Variants in SMYD3 observed in about 807,000 individuals in gnomAD.
SMYD3 encodes the protein histone-lysine N-methyltransferase SMYD3.
In SMYD3, 36 loss-of-function variants were observed where a neutral mutation model predicts 57.7. The ratio of observed to expected loss-of-function variants is 0.62; its 90% CI spans 0.48 to 0.82. The LOEUF (loss-of-function observed/expected upper bound fraction) is 0.82, where lower values mean the gene tolerates loss of function less well. Among genes scored for constraint, SMYD3 ranks in the 40% least tolerant of loss-of-function variants. The probability of loss-of-function intolerance (pLI) is 0.00; values close to 1 mark genes in which losing one functional copy is unlikely to be tolerated. For missense variants in SMYD3, 515 were observed against 538.8 expected, an observed-to-expected ratio of 0.96 and a Z score of 0.44; for synonymous variants, 211 against 195.0, an observed-to-expected ratio of 1.08 and a Z score of -0.68.
intron 5 of SMYD3, among the ~76,000 whole-genome samples, chr1:245,987,134 CA>C (rs1234610461): frequency 2.0e-5 from 3 of 152,154 alleles, no homozygotes; most frequent in Non-Finnish European, 4.4e-5. Context: ...TTCATGCCTC[CA>C]AACACAGCTT....
At chr1:246,199,160 C>T (rs1363346792) in intron 5 of SMYD3, among the ~76,000 whole-genome samples, 2 of 151,988 alleles carry the variant, frequency 1.3e-5, no homozygotes, top group African/African-American at 2.4e-5. Context: ...CCTACTGTTC[C>T]CATCCTTATG....
At chr1:246,222,077 T>C (rs966727866) in intron 5 of SMYD3, among the ~76,000 whole-genome samples, 1 of 152,104 alleles carries the variant, frequency 6.6e-6, no homozygotes, top group Admixed American at 6.5e-5. Flanking sequence ...TTGCCAACAA[T>C]TGGAAGGGTG....
intron 5 of SMYD3, among the ~76,000 whole-genome samples, chr1:246,071,637 A>C (rs2060445827): frequency 6.6e-6 from 1 of 152,222 alleles, no homozygotes; most frequent in Non-Finnish European, 1.5e-5. Flanking sequence ...GAGAGTAAAA[A>C]TTAGCCTGAA....
At chr1:246,051,997 C>A (rs1167581178) in intron 5 of SMYD3, among the ~76,000 whole-genome samples, 1 of 152,180 alleles carries the variant, frequency 6.6e-6, no homozygotes, top group Non-Finnish European at 1.5e-5. Context: ...TCTAACTCAT[C>A]ATCTTTCTTA....
chr1:246,179,522 A>G (rs2062496821), intron 5 of SMYD3, among the ~76,000 whole-genome samples: 1 of 152,192 alleles, frequency 6.6e-6, no homozygotes, highest in Admixed American at 6.5e-5. Flanking sequence ...ACCAGAAATC[A>G]TCATCCAGGA....
intron 5 of SMYD3, among the ~76,000 whole-genome samples, chr1:246,092,293 G>A (rs977057345): frequency 3.9e-5 from 6 of 152,130 alleles, no homozygotes; most frequent in African/African-American, 9.6e-5. Flanking sequence ...ATTGCTGTTC[G>A]AAATTACCCA....
chr1:246,278,573 G>A lies in SMYD3; in HGVS notation c.531+48628C>T, dbSNP rs544261355. Among the ~76,000 whole-genome samples, 150 of 152,218 alleles carry A rather than the reference G, an allele frequency of 9.9e-4. 1 individual carries two copies. The highest frequency in any genetic ancestry group is 3.6e-3 in the African/African-American group (148 of 41,548). On this transcript the variant is annotated intron_variant, in intron 5 of 11. Transcript: ENST00000490107. ...TGTGGGTAGACTTCAGCCAAGAGCC[G>A]GCAAGAAGCCAGGGCCCTGAGTCCT...
At chr1:246,392,888 G>C (rs1285808628) in intron 1 of SMYD3, among the ~76,000 whole-genome samples, 1 of 151,080 alleles carries the variant, frequency 6.6e-6, no homozygotes, top group African/African-American at 2.4e-5. Context: ...ATAGAAACAT[G>C]TTCAACATCA....
At chr1:246,402,816 T>TA (rs1326415469) in intron 1 of SMYD3, among the ~76,000 whole-genome samples, 1 of 152,220 alleles carries the variant, frequency 6.6e-6, no homozygotes, top group East Asian at 1.9e-4. Flanking sequence ...CCATTTACTA[T>TA]AAAGAGATTT....
intron 1 of SMYD3, among the ~76,000 whole-genome samples, chr1:246,453,427 T>C (rs1468713702): frequency 6.6e-6 from 1 of 152,244 alleles, no homozygotes; most frequent in East Asian, 1.9e-4. Context: ...AAAACTACGA[T>C]GCTTCTATAT....
intron 5 of SMYD3, among the ~76,000 whole-genome samples, chr1:246,297,381 C>A (rs2064815677): frequency 6.6e-6 from 1 of 152,094 alleles, no homozygotes; most frequent in African/African-American, 2.4e-5. Flanking sequence ...TAGGATGTAA[C>A]TAGTTACGTG....
In SMYD3 at chr1:246,349,183, A is replaced by G. The variant is rs112399008; in HGVS notation, c.228+5848T>C. 3.7e-4 allele frequency among the ~76,000 whole-genome samples: 57 copies of G among 152,378 alleles called. 1 individual carries two copies. The highest frequency in any genetic ancestry group is 1.3e-3 in the African/African-American group (52 of 41,592). ...AATCAAAGAAGGAATAGGTGAAGGTAAAATAAAAACTTTCATTTTTCTTAT... is the reference window on the plus strand; with the variant it reads ...AATCAAAGAAGGAATAGGTGAAGGTGAAATAAAAACTTTCATTTTTCTTAT... On this transcript the variant is annotated intron_variant, in intron 2 of 11. Transcript: ENST00000490107.
intron 8 of SMYD3, among the ~76,000 whole-genome samples, chr1:245,892,882 AAAC>A (rs1407366003): frequency 6.6e-6 from 1 of 152,196 alleles, no homozygotes; most frequent in Non-Finnish European, 1.5e-5. Flanking sequence ...CTGATAAACT[AAAC>A]TATTTCAAAA....
chr1:246,307,514 G>A (rs1271142660), intron 5 of SMYD3, among the ~76,000 whole-genome samples: 2 of 149,664 alleles, frequency 1.3e-5, no homozygotes, highest in East Asian at 3.9e-4. Flanking sequence ...CCGCCTCCCG[G>A]GTTCACGCCA....
At chr1:246,479,105 T>C (rs1346164194) in intron 1 of SMYD3, among the ~76,000 whole-genome samples, 71 of 132,372 alleles carry the variant, frequency 5.4e-4, no homozygotes, top group Middle Eastern at 5.0e-3. Flanking sequence ...CTCATATATG[T>C]ACACCTGTCC....
chr1:246,036,435 T>A (rs1489431346), intron 5 of SMYD3, among the ~76,000 whole-genome samples: 1 of 152,190 alleles, frequency 6.6e-6, no homozygotes, highest in Non-Finnish European at 1.5e-5. Flanking sequence ...TGTTATTTTA[T>A]ACATACACAA....
At chr1:245,848,382 A>C (rs1448020018) in intron 10 of SMYD3, among the ~76,000 whole-genome samples, 5 of 152,050 alleles carry the variant, frequency 3.3e-5, no homozygotes, top group Non-Finnish European at 7.4e-5. Flanking sequence ...GGCCTCCCAA[A>C]GTGCTAAGGC....
intron 10 of SMYD3, among the ~76,000 whole-genome samples, chr1:245,805,616 C>T (rs181428173): frequency 5.3e-5 from 8 of 152,296 alleles, no homozygotes; most frequent in Admixed American, 3.9e-4. Context: ...AAATTTGTGG[C>T]ACAGGAAAGG....
intron 1 of SMYD3, among the ~76,000 whole-genome samples, chr1:246,478,450 C>T (rs951390131): frequency 6.3e-5 from 9 of 142,836 alleles, no homozygotes; most frequent in African/African-American, 2.1e-4. Context: ...CATATATGCA[C>T]ACCTGTCCTC....
Sources: gnomAD v4.1 joint callset for allele counts (sites outside exome capture counted in the v4.1 genomes callset) on GRCh38, gnomAD v4.1.1 for gene constraint, MANE v1.5 for transcripts, NCBI Gene and HGNC (gene_info 2026-07-23, HGNC 2026-07-21) for gene names.